The following VAV3 variants were observed in gnomAD, a reference collection of about 807,000 sequenced individuals.
VAV3 encodes the protein vav guanine nucleotide exchange factor 3.
Under a neutral mutation model 131.2 loss-of-function variants are expected in VAV3, and 94 were observed. The ratio of observed to expected loss-of-function variants is 0.72; its 90% CI spans 0.61 to 0.85. The LOEUF (loss-of-function observed/expected upper bound fraction) is 0.85. VAV3 is among the 40% of genes least tolerant of loss of function. The pLI is 0.00. For missense variants in VAV3, 939 were observed against 1,002.7 expected (o/e 0.94, Z 0.86); for synonymous variants, 349 against 342.0 (o/e 1.02, Z -0.22).
intron 25 of VAV3, among the ~76,000 whole-genome samples, chr1:107,586,020 T>C (rs1038599245): frequency 5.9e-5 from 9 of 152,166 alleles, no homozygotes; most frequent in African/African-American, 2.2e-4. Flanking sequence ...ACCAGCTTTC[T>C]GCTACGCTAC....
chr1:107,769,210 T>C (rs1173468941), intron 6 of VAV3, among the ~76,000 whole-genome samples: 1 of 152,236 alleles, frequency 6.6e-6, no homozygotes, highest in Non-Finnish European at 1.5e-5. Flanking sequence ...TTATACTCCA[T>C]GAATCACTTC....
chr1:107,842,394 C>T (rs75292044), intron 2 of VAV3, among the ~76,000 whole-genome samples: 1 of 152,148 alleles, frequency 6.6e-6, no homozygotes, highest in Non-Finnish European at 1.5e-5. Context: ...CAGTCCTTCC[C>T]ACTGATTTTT....
intron 12 of VAV3, among the ~76,000 whole-genome samples, chr1:107,752,280 T>C (rs951005662): frequency 3.3e-5 from 5 of 152,086 alleles, no homozygotes; most frequent in African/African-American, 9.7e-5. Context: ...AAACTGGATA[T>C]CCACATGTAA....
intron 1 of VAV3, chr1:107,897,262 C>T (rs1671631299): frequency 6.6e-6 from 1 of 150,808 alleles, no homozygotes; most frequent in Non-Finnish European, 1.5e-5. Context: ...CCTACTACTA[C>T]TTTCATATGT....
At chr1:107,662,207 C>T (rs1657072811) in intron 19 of VAV3, among the ~76,000 whole-genome samples, 1 of 152,024 alleles carries the variant, frequency 6.6e-6, no homozygotes, top group Non-Finnish European at 1.5e-5. Context: ...AACTTATATC[C>T]CCACACGACA....
intron 1 of VAV3, among the ~76,000 whole-genome samples, chr1:107,918,564 G>A (rs1672729982): frequency 6.6e-6 from 1 of 151,744 alleles, no homozygotes. Flanking sequence ...TTCTATTTCA[G>A]AAGCATTTGC....
intron 1 of VAV3, among the ~76,000 whole-genome samples, chr1:107,912,839 C>A (rs1016167415): frequency 1.3e-5 from 2 of 152,196 alleles, no homozygotes; most frequent in Admixed American, 1.3e-4. Context: ...GAAGTCTCAA[C>A]TACTCATCTC....
chr1:107,894,358 A>T lies in VAV3; in HGVS notation c.205-19341T>A, dbSNP rs149420797. Reference sequence around the variant, plus strand: ...GAAGTAAAACAAGGCAGAAATTTAAACTGGCATCAACTCATTAAGTAAAAT... The same window carrying T: ...GAAGTAAAACAAGGCAGAAATTTAATCTGGCATCAACTCATTAAGTAAAAT... On this transcript the variant is annotated intron_variant, in intron 1 of 26. Transcript: ENST00000370056. Among the ~76,000 whole-genome samples, 6 of 152,340 alleles carry T rather than the reference A, an allele frequency of 3.9e-5. No homozygotes were observed. The East Asian group carries it at 1.2e-3, about 29-fold the overall frequency.
intron 2 of VAV3, among the ~76,000 whole-genome samples, chr1:107,807,829 C>T (rs1667130524): frequency 6.6e-6 from 1 of 152,092 alleles, no homozygotes; most frequent in Admixed American, 6.6e-5. Flanking sequence ...TCCTATTTTG[C>T]AGTGAAGGCA....
intron 2 of VAV3, chr1:107,821,013 GT>G (rs1332266062): frequency 6.6e-6 from 1 of 152,058 alleles, no homozygotes; most frequent in Non-Finnish European, 1.5e-5. Context: ...ATATTGAGAG[GT>G]ACCTCTGACT....
At chr1:107,848,436 A>G (rs755809100) in intron 2 of VAV3, among the ~76,000 whole-genome samples, 5 of 152,150 alleles carry the variant, frequency 3.3e-5, no homozygotes, top group Non-Finnish European at 7.4e-5. Flanking sequence ...AAAATCAATA[A>G]ACATAATCCA....
rs369605839 is a variant in VAV3, at chr1:107,926,655, C to T, written c.204+38011G>A. On this transcript the variant is annotated intron_variant, in intron 1 of 26. Transcript: ENST00000370056. ...TGGTAGAGAAAGAGTGCAGCAAGCG[C>T]GAGGCATTGCATTTAACTCAGTGTT... 6.6e-5 allele frequency among the ~76,000 whole-genome samples: 10 copies of T among 152,034 alleles called. 1 individual carries two copies. The highest frequency in any genetic ancestry group is 3.9e-4 in the East Asian group (2 of 5,156).
chr1:107,576,376 A>G, intron 25 of VAV3: 3 of 1,489,088 alleles, frequency 2.0e-6, no homozygotes, highest in Non-Finnish European at 2.7e-6. Flanking sequence ...GACAAATAAA[A>G]GTAGTAAAGC....
chr1:107,660,688 A>G (rs1167761327), intron 19 of VAV3, among the ~76,000 whole-genome samples: 1 of 152,180 alleles, frequency 6.6e-6, no homozygotes, highest in East Asian at 1.9e-4. Context: ...ATTCATCACT[A>G]TGCATATTAA....
At chr1:107,909,973 T>C (rs1672292308) in intron 1 of VAV3, among the ~76,000 whole-genome samples, 2 of 152,204 alleles carry the variant, frequency 1.3e-5, no homozygotes, top group Admixed American at 1.3e-4. Context: ...CAAATCCAAA[T>C]TAGTAATGAA....
At chr1:107,834,387 A>C (rs1248712480) in intron 2 of VAV3, among the ~76,000 whole-genome samples, 1 of 152,206 alleles carries the variant, frequency 6.6e-6, no homozygotes, top group Non-Finnish European at 1.5e-5. Context: ...GCTCTAAGGC[A>C]GGAATTTTAA....
In VAV3 at chr1:107,825,150, C is replaced by T. The variant is rs552526106; in HGVS notation, c.322-45658G>A. 4.6e-5 allele frequency among the ~76,000 whole-genome samples: 7 copies of T among 152,190 alleles called. No homozygotes were observed. In the South Asian group the frequency reaches 1.5e-3, roughly 32 times the overall value. On this transcript the variant is annotated intron_variant, in intron 2 of 26. Coordinates refer to ENST00000370056, the MANE Select transcript of VAV3 (RefSeq NM_006113.5). ...GTAGCTGCAGCAGATACTATATGGCCGAACAAGCCTAAAATAGTTCCTTTC... is the reference window on the plus strand; with the variant it reads ...GTAGCTGCAGCAGATACTATATGGCTGAACAAGCCTAAAATAGTTCCTTTC...
intron 1 of VAV3, chr1:107,964,433 G>A: frequency 2.2e-6 from 1 of 463,840 alleles, no homozygotes; most frequent in Non-Finnish European, 3.9e-6. Context: ...AAGCCTTTAC[G>A]AAATCCTCAC....
At chr1:107,783,768 G>A (rs1372748729) in intron 2 of VAV3, among the ~76,000 whole-genome samples, 3 of 151,988 alleles carry the variant, frequency 2.0e-5, no homozygotes, top group Non-Finnish European at 4.4e-5. Context: ...AATATTTCAG[G>A]CCAGGCCTGG....
Sources: allele counts gnomAD v4.1 joint callset (sites outside exome capture counted in the v4.1 genomes callset), GRCh38; gene constraint gnomAD v4.1.1; transcripts MANE v1.5; gene names NCBI Gene and HGNC (gene_info 2026-07-23, HGNC 2026-07-21).